ST14: variants seen among roughly 807,000 people sequenced by gnomAD.
The protein encoded by ST14 is suppressor of tumorigenicity 14 protein.
ST14 carries 40 observed loss-of-function variants against 96.5 expected under a neutral mutation model. That is an observed-to-expected ratio of 0.41 (90% CI 0.32 to 0.54). The LOEUF (loss-of-function observed/expected upper bound fraction) is 0.54. Ranked by LOEUF, ST14 falls within the 20% of genes least tolerant of loss-of-function variation. The probability of loss-of-function intolerance (pLI) is 0.17; values close to 1 mark genes in which losing one functional copy is unlikely to be tolerated. For missense variants in ST14, 1,066 were observed against 1,188.9 expected (o/e 0.90, Z 1.52); for synonymous variants, 506 against 492.1 (o/e 1.03, Z -0.37).
intron 1 of ST14, among the ~76,000 whole-genome samples, chr11:130,160,995 C>T (rs1212519292): frequency 1.3e-5 from 2 of 152,152 alleles, no homozygotes; most frequent in East Asian, 3.9e-4. Context: ...CCCTGCCAAC[C>T]CTCACTTTCT....
At chr11:130,193,505 T>G (rs1278289210) in intron 7 of ST14, among the ~76,000 whole-genome samples, 1 of 151,740 alleles carries the variant, frequency 6.6e-6, no homozygotes, top group Admixed American at 6.6e-5. Flanking sequence ...AGTCTCGCTG[T>G]GTCGCCCAGG....
At chr11:130,207,443 C>T (rs1452424317) in intron 16 of ST14, among the ~76,000 whole-genome samples, 8 of 152,148 alleles carry the variant, frequency 5.3e-5, no homozygotes, top group South Asian at 2.1e-4. Context: ...CCCAGCTACT[C>T]GGGAGGCTGA....
rs1425663522 is a variant in ST14, at chr11:130,187,971, T to C, written c.82-143T>C. ...CGCTCTGGGCAGTGGTCCCCATGCC[T>C]CTGGGGGAAGCCCCCTTCTTCTCAC... On this transcript the variant is annotated intron_variant, in intron 1 of 18. Coordinates refer to ENST00000278742, the MANE Select transcript of ST14 (RefSeq NM_021978.4). The surrounding 1 kb of genome is among the most constrained non-coding windows in gnomAD (Gnocchi z 4.5). The C allele has an allele frequency of 7.6e-6, 9 of 1,191,260 alleles. No homozygotes were observed. Among genetic ancestry groups the C allele is most frequent in the Non-Finnish European group, 1.1e-5 (9 of 843,732 alleles). 73.8% of individuals were successfully genotyped at this position (1,191,260 alleles called of 1,614,324 possible). A position where few individuals can be genotyped will look rare whatever the true frequency, so the allele number is the denominator to read the frequency against.
intron 1 of ST14, among the ~76,000 whole-genome samples, chr11:130,174,513 TGGGGTG>T (rs1002482394): frequency 6.2e-4 from 24 of 38,430 alleles, no homozygotes; most frequent in Admixed American, 2.2e-3. Context: ...TGTGTGGGTG[TGGGGTG>T]GGGGTGGGGG....
intron 17 of ST14, 110 bp from the exon 18 acceptor site, chr11:130,209,332 G>A: frequency 1.4e-6 from 2 of 1,416,588 alleles, no homozygotes; most frequent in East Asian, 2.5e-5. Context: ...TCAGCCCCGG[G>A]CATCTGGGCT....
intron 17 of ST14, among the ~76,000 whole-genome samples, chr11:130,209,071 G>A (rs554457884): frequency 6.6e-6 from 1 of 152,332 alleles, no homozygotes; most frequent in South Asian, 2.1e-4. Flanking sequence ...CCACTGTACA[G>A]CATATGCTGA....
At position 130,188,466 on chromosome 11, in the gene ST14, A is replaced by G. The variant is rs753924158; in HGVS notation, c.242-64A>G. On this transcript the variant is annotated intron_variant, in intron 2 of 18. Coordinates refer to ENST00000278742, the MANE Select transcript of ST14 (RefSeq NM_021978.4). The surrounding 1 kb of genome is among the most constrained non-coding windows in gnomAD (Gnocchi z 5.4). Reference sequence around the variant, plus strand: ...TCCTGGCATTCATTCCCCATTGTGGACGGCGAGGGACAGGCGGGGGTGGTA... The same window carrying G: ...TCCTGGCATTCATTCCCCATTGTGGGCGGCGAGGGACAGGCGGGGGTGGTA... The G allele has an allele frequency of 7.5e-5, 121 of 1,610,894 alleles. No homozygotes were observed. The highest frequency in any genetic ancestry group is 1.0e-4 in the Non-Finnish European group (118 of 1,179,550).
At chr11:130,179,345 C>T (rs1472107085) in intron 1 of ST14, among the ~76,000 whole-genome samples, 1 of 152,188 alleles carries the variant, frequency 6.6e-6, no homozygotes, top group East Asian at 1.9e-4. Flanking sequence ...TCAATGGGAA[C>T]CATAGGCTTT....
intron 12 of ST14, 39 bp from the exon 13 acceptor site, chr11:130,198,269 T>C: frequency 1.3e-6 from 2 of 1,574,240 alleles, no homozygotes; most frequent in Non-Finnish European, 1.7e-6. Context: ...CAGTGAGTGA[T>C]GAGGGCCTCA....
At position 130,187,369 on chromosome 11, in the gene ST14, CG is replaced by C. The variant is rs1309491234; in HGVS notation, c.82-741del. Among the ~76,000 whole-genome samples the C allele has an allele frequency of 2.0e-5, 3 of 152,144 alleles. No homozygotes were observed. Among genetic ancestry groups the C allele is most frequent in the South Asian group, 4.1e-4 (2 of 4,832 alleles). On this transcript the variant is annotated intron_variant, in intron 1 of 18. Coordinates refer to ENST00000278742, the MANE Select transcript of ST14 (RefSeq NM_021978.4). This position sits in a 1 kb window ranked among gnomAD's most constrained non-coding sequence, Gnocchi z 4.5. ...TGGATACCCTTGGCAGGGAGGAACC[CG>C]GGGAAGTTGCCATCCTGTCTTTTGG...
intron 16 of ST14, among the ~76,000 whole-genome samples, chr11:130,205,771 T>A (rs1460566332): frequency 7.3e-6 from 1 of 137,248 alleles, no homozygotes. Context: ...CAATCTAAGC[T>A]CACTGCAACC....
intron 1 of ST14, among the ~76,000 whole-genome samples, chr11:130,178,887 T>C (rs553705491): frequency 2.4e-4 from 36 of 152,254 alleles, no homozygotes; most frequent in Non-Finnish European, 4.1e-4. Context: ...GGCCCTGTGC[T>C]CTCCCAGGAG....
At chr11:130,195,274 C>G (rs1953348263) in intron 9 of ST14, among the ~76,000 whole-genome samples, 1 of 151,698 alleles carries the variant, frequency 6.6e-6, no homozygotes, top group Non-Finnish European at 1.5e-5. Flanking sequence ...ATAAACAAAC[C>G]CCAAAGAGAC....
At chr11:130,167,906 C>T (rs1953056359) in intron 1 of ST14, among the ~76,000 whole-genome samples, 1 of 152,062 alleles carries the variant, frequency 6.6e-6, no homozygotes, top group African/African-American at 2.4e-5. Flanking sequence ...GTAGAGATGG[C>T]GGTTTCACCA....
chr11:130,209,925 C>A lies in ST14; in HGVS notation c.*102C>A. The stretch of plus-strand genomic sequence containing the variant: ...GACTGGACCGCTGACTGCACCAGCG[C>A]CCCCAGAACATACACTGTGAACTCA... On this transcript the variant is annotated 3_prime_UTR_variant, in exon 19 of 19. Transcript: ENST00000278742. 1 of 1,408,940 alleles carries A rather than the reference C, an allele frequency of 7.1e-7. No individual in the cohort carries two copies. The highest frequency in any genetic ancestry group is 9.8e-7 in the Non-Finnish European group (1 of 1,023,368). The allele number at this position is 1,408,940 out of a possible 1,614,324, so 87.3% of individuals were successfully genotyped here. A position where few individuals can be genotyped will look rare whatever the true frequency, so the allele number is the denominator to read the frequency against.
At position 130,198,405 on chromosome 11, in the gene ST14, C is replaced by G. The variant is rs367833176; in HGVS notation, c.1557C>G (p.Asp519Glu). 3.7e-6 allele frequency: 6 copies of G among 1,613,892 alleles called. No homozygotes were observed. The highest frequency in any genetic ancestry group is 2.2e-5 in the East Asian group (1 of 44,864). The change falls in exon 13 of 19, where the codon GAC becomes GAG. Residue 519 changes from aspartate to glutamate, a missense_variant. Transcript: ENST00000278742. ...DSVNDCGDNS[D>E]EQGCSCPAQT... ...TGAACGACTGCGGAGACAACAGCGACGAGCAGGGGTGCAGTGAGTGCTGGG... is the reference window on the plus strand; with the variant it reads ...TGAACGACTGCGGAGACAACAGCGAGGAGCAGGGGTGCAGTGAGTGCTGGG...
In ST14 at chr11:130,199,975, G is replaced by A; in HGVS notation, c.1832G>A (p.Arg611Lys). 1 of 1,614,208 alleles carries A rather than the reference G, an allele frequency of 6.2e-7. No homozygotes were observed. The highest frequency in any genetic ancestry group is 8.5e-7 in the Non-Finnish European group (1 of 1,180,040). Reference sequence around the variant, plus strand: ...GACTGTGGGCTGCGGTCATTCACGAGACAGGCTCGTGTTGTTGGGGGCACG... The same window carrying A: ...GACTGTGGGCTGCGGTCATTCACGAAACAGGCTCGTGTTGTTGGGGGCACG... ...DCDCGLRSFT[R>K]QARVVGGTDA... Residue 611 changes from arginine (R) to lysine (K), a missense_variant, in exon 16 of 19, where the codon AGA becomes AAA. Coordinates refer to ENST00000278742, the MANE Select transcript of ST14 (RefSeq NM_021978.4).
chr11:130,182,635 G>A (rs1183141123), intron 1 of ST14, among the ~76,000 whole-genome samples: 1 of 149,908 alleles, frequency 6.7e-6, no homozygotes, highest in Non-Finnish European at 1.5e-5. Flanking sequence ...ACCATGCCTG[G>A]CCCTTTTGTT....
chr11:130,202,217 C>T (rs1953436290), intron 16 of ST14, among the ~76,000 whole-genome samples: 1 of 152,216 alleles, frequency 6.6e-6, no homozygotes, highest in African/African-American at 2.4e-5. Flanking sequence ...CTTTCTTTCT[C>T]ATTTCCTTCT....
Sources: allele counts gnomAD v4.1 joint callset (sites outside exome capture counted in the v4.1 genomes callset), GRCh38; gene constraint gnomAD v4.1.1; non-coding constraint Gnocchi (gnomAD v3.1); transcripts MANE v1.5; gene names NCBI Gene and HGNC (gene_info 2026-07-23, HGNC 2026-07-21).